The following DMD variants were observed in gnomAD, a reference collection of about 807,000 sequenced individuals.
DMD encodes the protein mutant dystrophin.
Under a neutral mutation model 330.1 loss-of-function variants are expected in DMD, and 63 were observed. The ratio of observed to expected loss-of-function variants is 0.19; its 90% CI spans 0.16 to 0.24. DMD has a LOEUF of 0.24. DMD is among the 10% of genes least tolerant of loss of function. The pLI, the probability that DMD is intolerant of heterozygous loss-of-function variation, is 1.00. For synonymous variants in DMD, 1,223 were observed against 959.8 expected, an observed-to-expected ratio of 1.27 and a Z score of -5.07; for missense variants, 3,344 against 2,684.1, an observed-to-expected ratio of 1.25 and a Z score of -5.43.
intron 51 of DMD, among the ~76,000 whole-genome samples, chrX:31,745,005 A>G (rs2087707651): frequency 9.0e-6 from 1 of 111,667 alleles, no homozygotes; most frequent in Non-Finnish European, 1.9e-5. Flanking sequence ...AATAGAAGAC[A>G]ATATGTAAAT....
chrX:32,388,279 C>T (rs915296426), intron 32 of DMD, among the ~76,000 whole-genome samples: 3 of 105,712 alleles, frequency 2.8e-5, no homozygotes, highest in South Asian at 4.0e-4. Context: ...TAGAAAAGAA[C>T]GAAAAGTGCT....
intron 51 of DMD, among the ~76,000 whole-genome samples, chrX:31,738,724 C>T (rs1304284606): frequency 8.9e-6 from 1 of 112,141 alleles, no homozygotes; most frequent in Non-Finnish European, 1.9e-5. Flanking sequence ...TACCTATGCA[C>T]AATGGAATAC....
Position 32,086,999 on chromosome X carries a change from ACT to A in DMD, c.6439-118487_6439-118486del, listed in dbSNP as rs1172904922. Among the ~76,000 whole-genome samples the A allele has an allele frequency of 3.6e-5, 4 of 111,934 alleles. 1 individual carries two copies. Among genetic ancestry groups the A allele is most frequent in the African/African-American group, 1.3e-4 (4 of 30,914 alleles). On this transcript the variant is annotated intron_variant, in intron 44 of 78. Transcript: ENST00000357033. ...AGATATTTTATTTTATAGTCTACAC[ACT>A]GTTAAGGTTTTTGATGTTAAGAATT...
chrX:32,385,279 A>T (rs1393706722), intron 33 of DMD, among the ~76,000 whole-genome samples: 2 of 110,704 alleles, frequency 1.8e-5, no homozygotes, highest in East Asian at 5.7e-4. Context: ...TGATCAACCA[A>T]GGGGCCGAGA....
chrX:32,017,508 G>T (rs1323192446), intron 44 of DMD, among the ~76,000 whole-genome samples: 1 of 112,088 alleles, frequency 8.9e-6, no homozygotes, highest in East Asian at 2.8e-4. Context: ...GATGGGAAAA[G>T]AACCCTGTAT....
At chrX:31,613,482 A>G (rs998372413) in intron 55 of DMD, among the ~76,000 whole-genome samples, 3 of 111,405 alleles carry the variant, frequency 2.7e-5, no homozygotes, top group African/African-American at 9.8e-5. Flanking sequence ...ATCTACCCCA[A>G]CTGATATCAA....
intron 55 of DMD, among the ~76,000 whole-genome samples, chrX:31,522,997 C>T (rs1457538716): frequency 9.0e-6 from 1 of 111,256 alleles, no homozygotes; most frequent in East Asian, 2.8e-4. Context: ...ATCAGTAGTT[C>T]CCTTAGTACA....
At chrX:32,112,307 T>G (rs2096592798) in intron 44 of DMD, among the ~76,000 whole-genome samples, 2 of 112,070 alleles carry the variant, frequency 1.8e-5, no homozygotes, top group African/African-American at 6.5e-5. Flanking sequence ...CAAGCAGGTC[T>G]GAGATGAGGC....
chrX:32,208,903 G>A, intron 44 of DMD, among the ~76,000 whole-genome samples: 1 of 111,708 alleles, frequency 9.0e-6, no homozygotes, highest in East Asian at 2.8e-4. Context: ...ACACAGAAGA[G>A]GTGAAGGAAG....
chrX:32,966,721 G>A (rs1200151678), intron 2 of DMD, among the ~76,000 whole-genome samples: 5 of 111,863 alleles, frequency 4.5e-5, no homozygotes, highest in African/African-American at 1.6e-4. Flanking sequence ...AGCACCCGTG[G>A]AGGGAAACCT....
rs770925269 is a variant in DMD, at chrX:31,572,237, C to T, written c.8217+55436G>A. Among the ~76,000 whole-genome samples the T allele has an allele frequency of 3.6e-3, 403 of 112,369 alleles. 3 individuals are homozygous for T. Among genetic ancestry groups the T allele is most frequent in the African/African-American group, 0.012 (377 of 30,952 alleles). On this transcript the variant is annotated intron_variant, in intron 55 of 78. Coordinates refer to ENST00000357033, the MANE Select transcript of DMD (RefSeq NM_004006.3). ...CCTATCATTGCATAAGGCAATGCTG[C>T]TTAATAAAAGAAAAATTTAGTATAG...
intron 61 of DMD, among the ~76,000 whole-genome samples, chrX:31,338,272 TG>T (rs1569528587): frequency 2.2e-5 from 2 of 89,892 alleles, no homozygotes; most frequent in Non-Finnish European, 4.2e-5. Flanking sequence ...GAGACCAGCC[TG>T]GCCAACCTAG....
intron 9 of DMD, among the ~76,000 whole-genome samples, chrX:32,661,633 GTC>G (rs1208916450): frequency 9.0e-6 from 1 of 111,404 alleles, no homozygotes; most frequent in Non-Finnish European, 1.9e-5. Context: ...ATCATTCTAA[GTC>G]TCTCATACAC....
chrX:31,949,904 C>T (rs1322563717), intron 45 of DMD, among the ~76,000 whole-genome samples: 1 of 106,683 alleles, frequency 9.4e-6, no homozygotes, highest in Admixed American at 1.0e-4. Flanking sequence ...TTTTTTTGGT[C>T]AGTCTAGCTA....
At chrX:31,352,912 G>A (rs2058501503) in intron 60 of DMD, among the ~76,000 whole-genome samples, 1 of 111,531 alleles carries the variant, frequency 9.0e-6, no homozygotes, top group Admixed American at 9.6e-5. Flanking sequence ...TATTAAACGA[G>A]AGCCTCCATG....
intron 9 of DMD, among the ~76,000 whole-genome samples, chrX:32,690,923 A>G (rs2063232210): frequency 9.0e-6 from 1 of 111,455 alleles, no homozygotes; most frequent in Non-Finnish European, 1.9e-5. Flanking sequence ...TGTGACATTC[A>G]TCCTCGCAAT....
chrX:32,660,047 G>A (rs957549917), intron 9 of DMD, among the ~76,000 whole-genome samples: 2 of 111,091 alleles, frequency 1.8e-5, no homozygotes, highest in African/African-American at 6.5e-5. Flanking sequence ...TTTATCATTG[G>A]CTCCTAATAG....
At chrX:32,165,201 G>A (rs771774357) in intron 44 of DMD, among the ~76,000 whole-genome samples, 138 of 112,366 alleles carry the variant, frequency 1.2e-3, no homozygotes, top group African/African-American at 3.8e-3. Context: ...ATGGTAGAGC[G>A]ATCAACAGCT....
chrX:33,017,446 T>C (rs528049279), intron 2 of DMD, among the ~76,000 whole-genome samples: 3 of 111,435 alleles, frequency 2.7e-5, no homozygotes, highest in African/African-American at 9.7e-5. Flanking sequence ...TTTTTATAGT[T>C]GTATGAATGT....
Sources: allele counts gnomAD v4.1 joint callset (sites outside exome capture counted in the v4.1 genomes callset), GRCh38; gene constraint gnomAD v4.1.1; transcripts MANE v1.5; gene names NCBI Gene and HGNC (gene_info 2026-07-23, HGNC 2026-07-21).